EXOC5: variants seen among roughly 807,000 people sequenced by gnomAD.
EXOC5 encodes SEC10-like 1.
EXOC5 carries 17 observed loss-of-function variants against 90.8 expected under a neutral mutation model. The observed-to-expected ratio is 0.19, with a 90% CI of 0.13 to 0.28. EXOC5 has a LOEUF of 0.28. Ranked by LOEUF, EXOC5 falls within the 10% of genes least tolerant of loss-of-function variation. EXOC5 has a pLI of 1.00. For missense variants in EXOC5, 569 were observed against 830.6 expected, an observed-to-expected ratio of 0.69 and a Z score of 3.87; for synonymous variants, 260 against 270.0, an observed-to-expected ratio of 0.96 and a Z score of 0.36.
chr14:57,247,546 A>T, intron 2 of EXOC5, 72 bp downstream of exon 2: 1 of 649,084 alleles, frequency 1.5e-6, no homozygotes, highest in Non-Finnish European at 2.6e-6. Context: ...AAGCAATCTC[A>T]ACAGTCATCT....
chr14:57,208,674 G>GTATA lies in EXOC5; in HGVS notation c.2058_2061dup (p.Leu688TyrfsTer11), dbSNP rs1882733316. On this transcript the variant is annotated frameshift_variant, in exon 18 of 18. Transcript: ENST00000621441. LOFTEE classifies it high-confidence loss of function. ...GCACGAAGTTGTACGAAGGAGTGAA[G>GTATA]TATATTCTTGTCCAGATTAGCAAGT... is the stretch of plus-strand genomic sequence containing the variant. 1 of 1,612,228 alleles carries GTATA rather than the reference G, an allele frequency of 6.2e-7. No homozygotes were observed.
At chr14:57,260,357 C>T (rs1255974316) in intron 1 of EXOC5, among the ~76,000 whole-genome samples, 1 of 152,106 alleles carries the variant, frequency 6.6e-6, no homozygotes, top group Non-Finnish European at 1.5e-5. Flanking sequence ...AAACTACTTG[C>T]ACAAACACTA....
chr14:57,226,037 C>G (rs1211089293), intron 12 of EXOC5, among the ~76,000 whole-genome samples: 1 of 152,140 alleles, frequency 6.6e-6, no homozygotes, highest in Non-Finnish European at 1.5e-5. Flanking sequence ...TTTACATAAA[C>G]AATAGGACAG....
intron 4 of EXOC5, 70 bp downstream of exon 4, chr14:57,244,095 T>A (rs1883959943): frequency 2.0e-6 from 2 of 1,014,144 alleles, no homozygotes; most frequent in East Asian, 4.9e-5. Context: ...TGGAAAGCAA[T>A]TATTGCAGCT....
At chr14:57,248,921 G>A (rs1884105015) in intron 1 of EXOC5, among the ~76,000 whole-genome samples, 1 of 152,078 alleles carries the variant, frequency 6.6e-6, no homozygotes, top group African/African-American at 2.4e-5. Flanking sequence ...CGAAACAAGA[G>A]TGGATGCGAA....
In EXOC5 at chr14:57,202,548, A is replaced by T. The variant is rs940762825; in HGVS notation, c.*6061T>A. The T allele has an allele frequency of 3.9e-5, 6 of 152,116 alleles. No homozygotes were observed. Among genetic ancestry groups the T allele is most frequent in the Non-Finnish European group, 7.4e-5 (5 of 68,012 alleles). 9.4% of individuals were successfully genotyped at this position (152,116 alleles called of 1,614,324 possible). On this transcript the variant is annotated 3_prime_UTR_variant, in exon 18 of 18. Coordinates refer to ENST00000621441, the MANE Select transcript of EXOC5 (RefSeq NM_006544.4). The stretch of plus-strand genomic sequence containing the variant: ...TCTGTTAAGTCTGATTGTTTCAAAA[A>T]TTTTTCTTTAAAAAGCAGAATGTAG...
In EXOC5 at chr14:57,259,105, C is replaced by T. The variant is rs140937715; in HGVS notation, c.27+9517G>A. On this transcript the variant is annotated intron_variant, in intron 1 of 17. Transcript: ENST00000621441. ...TTCCTACTACACTATCAAATTCACA[C>T]ACACTTTTCTTTTTTTTTTTTTGAG... 7.2e-4 allele frequency among the ~76,000 whole-genome samples: 109 copies of T among 151,922 alleles called. 2 individuals carry two copies. In the East Asian group the frequency reaches 0.017, roughly 23 times the overall value.
At chr14:57,218,935 AT>A (rs1282071530) in intron 14 of EXOC5, among the ~76,000 whole-genome samples, 3 of 151,970 alleles carry the variant, frequency 2.0e-5, no homozygotes, top group African/African-American at 7.2e-5. Context: ...ATCTCACAAA[AT>A]TTTTTGTATG....
intron 1 of EXOC5, among the ~76,000 whole-genome samples, chr14:57,254,134 T>A (rs572325473): frequency 6.6e-6 from 1 of 152,184 alleles, no homozygotes; most frequent in East Asian, 1.9e-4. Flanking sequence ...AATAAGCACA[T>A]GAAAAGATGC....
chr14:57,240,606 T>C (rs1375465703), intron 4 of EXOC5, among the ~76,000 whole-genome samples: 1 of 151,920 alleles, frequency 6.6e-6, no homozygotes, highest in Non-Finnish European at 1.5e-5. Flanking sequence ...TTATTCAAGT[T>C]GTGGAACTAA....
At chr14:57,221,896 A>C (rs1296065010) in intron 13 of EXOC5, among the ~76,000 whole-genome samples, 1 of 152,144 alleles carries the variant, frequency 6.6e-6, no homozygotes, top group African/African-American at 2.4e-5. Flanking sequence ...ACTAAGACCA[A>C]AAGACCAAAA....
At chr14:57,250,180 G>C (rs1267300880) in intron 1 of EXOC5, among the ~76,000 whole-genome samples, 1 of 152,136 alleles carries the variant, frequency 6.6e-6, no homozygotes, top group Non-Finnish European at 1.5e-5. Flanking sequence ...GCGGGAGGTA[G>C]ACTCTAAGCA....
At chr14:57,231,760 G>T in intron 10 of EXOC5, 45 bp from the exon 11 acceptor site, 1 of 1,294,940 alleles carries the variant, frequency 7.7e-7, no homozygotes, top group Non-Finnish European at 1.1e-6. Context: ...TACATTTTAG[G>T]TATAGTAACA....
At chr14:57,248,557 C>T (rs1329512349) in intron 1 of EXOC5, among the ~76,000 whole-genome samples, 1 of 151,802 alleles carries the variant, frequency 6.6e-6, no homozygotes, top group Non-Finnish European at 1.5e-5. Context: ...TTAGAGAAGG[C>T]TCAATCAAGA....
rs770792787 is a variant in EXOC5, at chr14:57,268,613, G to C, written c.27+9C>G. Reference sequence around the variant, plus strand: ...GCCTGCCACTCCCTGTAGAGCCGCCGGGGCCCACCTCGAAGAGCTCGGCCG... The same window carrying C: ...GCCTGCCACTCCCTGTAGAGCCGCCCGGGCCCACCTCGAAGAGCTCGGCCG... On this transcript the variant is annotated intron_variant, in intron 1 of 17. Transcript: ENST00000621441. 1.3e-6 allele frequency: 2 copies of C among 1,589,500 alleles called. No individual in the cohort carries two copies. Among genetic ancestry groups the C allele is most frequent in the Admixed American group, 1.7e-5 (1 of 58,452 alleles).
chr14:57,253,025 A>G (rs1359282601), intron 1 of EXOC5, among the ~76,000 whole-genome samples: 1 of 152,198 alleles, frequency 6.6e-6, no homozygotes, highest in Non-Finnish European at 1.5e-5. Context: ...AAGTAAAATA[A>G]GCCAGGAATA....
At chr14:57,229,230 G>A (rs147679693) in intron 12 of EXOC5, among the ~76,000 whole-genome samples, 1 of 152,034 alleles carries the variant, frequency 6.6e-6, no homozygotes, top group African/African-American at 2.4e-5. Context: ...AAATTATTCT[G>A]TTCTCCAAAA....
chr14:57,263,039 C>A (rs948779722), intron 1 of EXOC5, among the ~76,000 whole-genome samples: 1 of 152,078 alleles, frequency 6.6e-6, no homozygotes, highest in Non-Finnish European at 1.5e-5. Flanking sequence ...GCCCACGATC[C>A]CTATTTTCCC....
chr14:57,228,798 A>T (rs1249538023), intron 12 of EXOC5, among the ~76,000 whole-genome samples: 1 of 151,036 alleles, frequency 6.6e-6, no homozygotes, highest in East Asian at 2.0e-4. Flanking sequence ...TGGCACGTGT[A>T]TACCTATGTA....
Sources: allele counts gnomAD v4.1 joint callset (sites outside exome capture counted in the v4.1 genomes callset), GRCh38; gene constraint gnomAD v4.1.1; transcripts MANE v1.5; gene names NCBI Gene and HGNC (gene_info 2026-07-23, HGNC 2026-07-21).